The following ANKRD31 variants were observed in gnomAD, a reference collection of about 807,000 sequenced individuals.
ANKRD31 encodes the protein ankyrin repeat domain 31.
In ANKRD31, 147 loss-of-function variants were observed where a neutral mutation model predicts 186.0. The observed-to-expected ratio is 0.79, with a 90% CI of 0.69 to 0.91. ANKRD31 has a LOEUF of 0.91. Ranked by LOEUF, ANKRD31 falls within the 40% of genes least tolerant of loss-of-function variation. The pLI is 0.00. For synonymous variants in ANKRD31, 673 were observed against 736.4 expected (o/e 0.91, Z 1.39); for missense variants, 1,986 against 2,148.8 (o/e 0.92, Z 1.50).
At chr5:75,209,273 T>C (rs1249893231) in intron 4 of ANKRD31, among the ~76,000 whole-genome samples, 1 of 152,124 alleles carries the variant, frequency 6.6e-6, no homozygotes, top group Non-Finnish European at 1.5e-5. Context: ...AATGTTGACA[T>C]ATTTTATTAT....
At chr5:75,127,093 G>A (rs775931650) in intron 17 of ANKRD31, among the ~76,000 whole-genome samples, 8 of 151,320 alleles carry the variant, frequency 5.3e-5, no homozygotes, top group Non-Finnish European at 1.0e-4. Context: ...GCTGAGGCAG[G>A]AGAATCACCT....
chr5:75,088,466 T>C (rs984293639), intron 23 of ANKRD31, among the ~76,000 whole-genome samples: 2 of 152,240 alleles, frequency 1.3e-5, no homozygotes, highest in African/African-American at 4.8e-5. Flanking sequence ...TCCATTCTTA[T>C]GATTCTTATG....
At chr5:75,099,248 T>C (rs920770360) in intron 22 of ANKRD31, among the ~76,000 whole-genome samples, 1 of 152,226 alleles carries the variant, frequency 6.6e-6, no homozygotes. Context: ...GATTTGCGTA[T>C]GTTGAACCAG....
intron 5 of ANKRD31, among the ~76,000 whole-genome samples, chr5:75,205,134 G>T (rs920272137): frequency 6.6e-6 from 1 of 152,214 alleles, no homozygotes; most frequent in African/African-American, 2.4e-5. Flanking sequence ...CCAAAGTGCT[G>T]GGATTACAGG....
At position 75,138,939 on chromosome 5, in the gene ANKRD31, T is replaced by C; in HGVS notation, c.3640A>G (p.Ser1214Gly). ...RINKRNARGE[S>G]QLHLAVRRGN... Reference sequence around the variant, plus strand: ...CTTCTGACAGCTAAATGAAGCTGGCTTTCCCCTCTGGCATTCCTCTTGTTG... The same window carrying C: ...CTTCTGACAGCTAAATGAAGCTGGCCTTCCCCTCTGGCATTCCTCTTGTTG... The change falls in exon 16 of 26, where the codon AGC (serine) becomes GGC (glycine). Residue 1214 changes from serine to glycine, a missense_variant. Coordinates refer to ENST00000506364, the MANE Select transcript of ANKRD31 (RefSeq NM_001372053.1). 1 of 1,536,860 alleles carries C rather than the reference T, an allele frequency of 6.5e-7. No homozygotes were observed. The highest frequency in any genetic ancestry group is 8.7e-7 in the Non-Finnish European group (1 of 1,146,640).
chr5:75,187,083 T>C (rs1375327567), intron 10 of ANKRD31, among the ~76,000 whole-genome samples: 1 of 143,968 alleles, frequency 6.9e-6, no homozygotes, highest in African/African-American at 2.7e-5. Flanking sequence ...GGTTGCATTT[T>C]AAACAAACAT....
chr5:75,134,753 A>G (rs1375405851), intron 17 of ANKRD31, among the ~76,000 whole-genome samples: 1 of 152,198 alleles, frequency 6.6e-6, no homozygotes, highest in African/African-American at 2.4e-5. Context: ...GATGAACACC[A>G]ATGCAAAATC....
chr5:75,161,534 A>AT (rs1752570210), intron 11 of ANKRD31, among the ~76,000 whole-genome samples: 1 of 152,182 alleles, frequency 6.6e-6, no homozygotes, highest in South Asian at 2.1e-4. Flanking sequence ...AGAAAATCCC[A>AT]TTTTCTGAGG....
chr5:75,137,687 A>T (rs575443198), intron 17 of ANKRD31, among the ~76,000 whole-genome samples, 169 bp downstream of exon 17: 60 of 152,232 alleles, frequency 3.9e-4, no homozygotes, highest in Middle Eastern at 3.4e-3. Context: ...GGATACATAG[A>T]TTTTCTAATC....
At chr5:75,137,773 A>C (rs1028304470) in intron 17 of ANKRD31, 83 bp downstream of exon 17, 9 of 1,222,410 alleles carry the variant, frequency 7.4e-6, no homozygotes, top group Non-Finnish European at 9.4e-6. Flanking sequence ...GAATCATTTT[A>C]GTTCTCAGTT....
intron 11 of ANKRD31, among the ~76,000 whole-genome samples, chr5:75,168,154 C>G (rs1010520750): frequency 2.0e-5 from 3 of 152,298 alleles, no homozygotes; most frequent in Non-Finnish European, 4.4e-5. Flanking sequence ...CTGTTTCATA[C>G]TATGAAGGAA....
chr5:75,213,244 T>C (rs1054435162), intron 3 of ANKRD31, among the ~76,000 whole-genome samples: 7 of 152,224 alleles, frequency 4.6e-5, no homozygotes, highest in African/African-American at 1.7e-4. Context: ...TTTCTGTGTC[T>C]CTGCAAAGTA....
At chr5:75,234,470 G>A (rs766880708) in intron 1 of ANKRD31, among the ~76,000 whole-genome samples, 15 of 152,222 alleles carry the variant, frequency 9.9e-5, no homozygotes, top group Admixed American at 5.9e-4. Context: ...AGAGGCTTCA[G>A]TGAGCTATGA....
chr5:75,206,994 G>A (rs984774861), intron 4 of ANKRD31, among the ~76,000 whole-genome samples: 1 of 152,100 alleles, frequency 6.6e-6, no homozygotes, highest in South Asian at 2.1e-4. Flanking sequence ...CAAAATAAGG[G>A]TCATGCCTAA....
rs185811833 is a variant in ANKRD31, at chr5:75,145,176, A to G, written c.3424+811T>C. On this transcript the variant is annotated intron_variant, in intron 14 of 25. Coordinates refer to ENST00000506364, the MANE Select transcript of ANKRD31 (RefSeq NM_001372053.1). ...TAGTTCAACCATTATGGAAGACAGT[A>G]CAGTGATTCCTCAAGGATCTAGAAC... Among the ~76,000 whole-genome samples the G allele has an allele frequency of 7.6e-4, 116 of 152,196 alleles. 1 individual carries two copies. Among genetic ancestry groups the G allele is most frequent in the African/African-American group, 2.6e-3 (110 of 41,558 alleles).
rs1478294089 is a variant in ANKRD31, at chr5:75,192,733, T to C, written c.1342A>G (p.Met448Val). The C allele has an allele frequency of 1.2e-5, 18 of 1,535,902 alleles. No homozygotes were observed. The highest frequency in any genetic ancestry group is 1.3e-5 in the Non-Finnish European group (15 of 1,146,290). Residue 448 changes from methionine (M) to valine (V), a missense_variant, in exon 9 of 26, where the codon ATG becomes GTG. Met to Val is a conservative substitution (Grantham distance 21). Transcript: ENST00000506364. ...ALMIDGKEKN[M>V]HSARFKNGKQ... The stretch of plus-strand genomic sequence containing the variant: ...CCATTCTTGAACCTTGCTGAATGCA[T>C]ATTCTTCTCTTTACCATCAATCATT...
chr5:75,086,581 A>G (rs539568864), intron 23 of ANKRD31, among the ~76,000 whole-genome samples: 8 of 152,324 alleles, frequency 5.3e-5, no homozygotes, highest in African/African-American at 1.7e-4. Flanking sequence ...CAGTGATCTC[A>G]GCAACTTCAC....
At chr5:75,143,896 C>T in intron 15 of ANKRD31, 105 bp downstream of exon 15, 1 of 393,318 alleles carries the variant, frequency 2.5e-6, no homozygotes, top group Middle Eastern at 6.4e-4. Flanking sequence ...TGAATAACTA[C>T]AAAAAGAAAC....
In ANKRD31 at chr5:75,140,234, A is replaced by AGAAGGAAGGAAG. The variant is rs146909283; in HGVS notation, c.3596-1263_3596-1252dup. Reference sequence around the variant, plus strand: ...AAAGAAAAGAAAAGAAAAGAAAGAAAGAAGGAAGGAAGGAAGGAAGGAAGG... The same window carrying AGAAGGAAGGAAG: ...AAAGAAAAGAAAAGAAAAGAAAGAAAGAAGGAAGGAAGGAAGGAAGGAAGGAAGGAAGGAAGG... On this transcript the variant is annotated intron_variant, in intron 15 of 25. Transcript: ENST00000506364. Among the ~76,000 whole-genome samples the AGAAGGAAGGAAG allele has an allele frequency of 9.3e-4, 95 of 101,808 alleles. No individual in the cohort carries two copies. The East Asian group carries it at 0.011, about 12-fold the overall frequency. 66.8% of individuals were successfully genotyped at this position (101,808 alleles called of 152,430 possible).
Sources: allele counts gnomAD v4.1 joint callset (sites outside exome capture counted in the v4.1 genomes callset), GRCh38; gene constraint gnomAD v4.1.1; transcripts MANE v1.5; gene names NCBI Gene and HGNC (gene_info 2026-07-23, HGNC 2026-07-21).